ADAMTS15: variants seen among roughly 807,000 people sequenced by gnomAD.
The protein encoded by ADAMTS15 is A disintegrin and metalloproteinase with thrombospondin motifs 15.
In ADAMTS15, 35 loss-of-function variants were observed where a neutral mutation model predicts 79.1. That is an observed-to-expected ratio of 0.44 (90% confidence interval 0.34 to 0.59). The LOEUF is 0.59. Ranked by LOEUF, ADAMTS15 falls within the 20% of genes least tolerant of loss-of-function variation. The pLI is 0.02. For synonymous variants in ADAMTS15, 616 were observed against 567.3 expected (o/e 1.09, Z -1.22); for missense variants, 1,324 against 1,318.7 (o/e 1.00, Z -0.06).
At chr11:130,453,302 T>G (rs981697855) in intron 1 of ADAMTS15, among the ~76,000 whole-genome samples, 2 of 151,794 alleles carry the variant, frequency 1.3e-5, no homozygotes, top group African/African-American at 4.8e-5. Context: ...TTTTAGGACT[T>G]GTAGTTTATG....
chr11:130,469,532 C>A, intron 5 of ADAMTS15, 93 bp downstream of exon 5: 1 of 1,006,204 alleles, frequency 9.9e-7, no homozygotes, highest in Non-Finnish European at 1.3e-6. Flanking sequence ...TGCATGGCCT[C>A]CAGGTAATTG....
chr11:130,459,025 G>GTTTTTT (rs757221690), intron 1 of ADAMTS15, among the ~76,000 whole-genome samples: 4 of 75,408 alleles, frequency 5.3e-5, no homozygotes, highest in Admixed American at 1.4e-4. Flanking sequence ...CCTCCCAAGT[G>GTTTTTT]TTTTTTTTTT....
At chr11:130,468,794 G>A (rs1429664479) in intron 4 of ADAMTS15, among the ~76,000 whole-genome samples, 3 of 149,114 alleles carry the variant, frequency 2.0e-5, no homozygotes, top group Admixed American at 6.7e-5. Flanking sequence ...ATAATTAGCC[G>A]GGCATGGTAG....
Position 130,449,832 on chromosome 11 carries a change from C to G in ADAMTS15, c.859C>G (p.Leu287Val). 7 of 1,609,352 alleles carry G rather than the reference C, an allele frequency of 4.3e-6. 1 individual carries two copies. The highest frequency in any genetic ancestry group is 5.9e-6 in the Non-Finnish European group (7 of 1,180,016). The change falls in exon 1 of 8, where the codon CTG becomes GTG. Residue 287 changes from leucine to valine, a missense_variant. Transcript: ENST00000299164. This position sits in a 1 kb window ranked among gnomAD's most constrained non-coding sequence, Gnocchi z 7.8. ...GCCCAAGGTCACCGGCAATGCGGCC[C>G]TGACGCTGCGCAACTTCTGTGCCTG... ...SGPKVTGNAA[L>V]TLRNFCAWQK...
At chr11:130,450,261 G>C (rs567225455) in intron 1 of ADAMTS15, 1 of 985,486 alleles carries the variant, frequency 1.0e-6, no homozygotes, top group East Asian at 1.1e-4. Context: ...GTCCAAGACC[G>C]ATAGGAGACG....
chr11:130,463,004 G>C (rs889934094), intron 4 of ADAMTS15, among the ~76,000 whole-genome samples: 1 of 152,238 alleles, frequency 6.6e-6, no homozygotes, highest in Admixed American at 6.5e-5. Context: ...CAGAGGACTT[G>C]GTGAGGCCTC....
At chr11:130,466,777 C>G (rs551473563) in intron 4 of ADAMTS15, among the ~76,000 whole-genome samples, 10 of 152,320 alleles carry the variant, frequency 6.6e-5, no homozygotes, top group Non-Finnish European at 1.2e-4. Context: ...TTTCTCGCTG[C>G]CTTGTTGGCC....
Position 130,472,972 on chromosome 11 carries a change from G to C in ADAMTS15, c.2079-75G>C. 1 of 1,555,266 alleles carries C rather than the reference G, an allele frequency of 6.4e-7. No individual in the cohort carries two copies. The highest frequency in any genetic ancestry group is 1.2e-5 in the South Asian group (1 of 81,330). ...TTCACCGAAAGCTAGGTTTACTGAG[G>C]AAAACAGATCCTGGAGCATAAGGTC... On this transcript the variant is annotated intron_variant, in intron 7 of 7. Coordinates refer to ENST00000299164, the MANE Select transcript of ADAMTS15 (RefSeq NM_139055.4). This position sits in a 1 kb window ranked among gnomAD's most constrained non-coding sequence, Gnocchi z 4.7.
Position 130,462,475 on chromosome 11 carries a change from G to T in ADAMTS15, c.1259-22G>T. 1 of 1,562,390 alleles carries T rather than the reference G, an allele frequency of 6.4e-7. No individual in the cohort carries two copies. Among genetic ancestry groups the T allele is most frequent in the Non-Finnish European group, 8.7e-7 (1 of 1,149,434 alleles). On this transcript the variant is annotated intron_variant, in intron 3 of 7. Transcript: ENST00000299164. The surrounding 1 kb of genome is among the most constrained non-coding windows in gnomAD (Gnocchi z 4.3). ...CCTCATCTTCCCAGCTCATCCTAAC[G>T]AACGCCCTCGGCTCTCTGCAGGTGA...
In ADAMTS15 at chr11:130,473,668, CG is replaced by C; in HGVS notation, c.2701del (p.Ala901ProfsTer47). On this transcript the variant is annotated frameshift_variant, in exon 8 of 8. Transcript: ENST00000299164. LOFTEE classifies it high-confidence loss of function. Reference protein sequence around the residue: ...GEPCPTWELSAWSPCSKSCGR... With the variant: ...GEPCPTWELSXWSPCSKSCGR... Reference sequence around the variant, plus strand: ...AGCCCTGCCCCACCTGGGAGCTCAGCGCCTGGTCACCCTGCTCCAAGAGCTG... The same window carrying C: ...AGCCCTGCCCCACCTGGGAGCTCAGCCCTGGTCACCCTGCTCCAAGAGCTG... 1 of 1,605,366 alleles carries C rather than the reference CG, an allele frequency of 6.2e-7. No homozygotes were observed. The highest frequency in any genetic ancestry group is 8.5e-7 in the Non-Finnish European group (1 of 1,179,886).
intron 5 of ADAMTS15, among the ~76,000 whole-genome samples, chr11:130,469,897 G>A (rs1938385959): frequency 6.6e-6 from 1 of 151,310 alleles, no homozygotes; most frequent in African/African-American, 2.4e-5. Flanking sequence ...TTTCTTTCAG[G>A]GAGAAATTAG....
chr11:130,460,913 A>G (rs1938185828), intron 1 of ADAMTS15, among the ~76,000 whole-genome samples: 2 of 152,088 alleles, frequency 1.3e-5, no homozygotes, highest in Admixed American at 6.5e-5. Flanking sequence ...AGCCAATGAA[A>G]CTGTGCCGGG....
intron 1 of ADAMTS15, among the ~76,000 whole-genome samples, chr11:130,452,467 T>C (rs1022587198): frequency 2.0e-5 from 3 of 152,180 alleles, no homozygotes; most frequent in African/African-American, 7.2e-5. Context: ...TCTTGTTGCA[T>C]TGGGCGGCAG....
Position 130,462,243 on chromosome 11 carries a change from A to C in ADAMTS15, c.1247A>C (p.Asp416Ala). 6.2e-7 allele frequency: 1 copy of C among 1,613,358 alleles called. No homozygotes were observed. Among genetic ancestry groups the C allele is most frequent in the Non-Finnish European group, 8.5e-7 (1 of 1,179,506 alleles). Reference sequence around the variant, plus strand: ...GCTGCCATCATCACCGACTTCCTGGACAGCGGGCACGGTAAGCCAGGACGG... The same window carrying C: ...GCTGCCATCATCACCGACTTCCTGGCCAGCGGGCACGGTAAGCCAGGACGG... The part of the protein sequence containing the change: ...CSAAIITDFL[D>A]SGHGDCLLDQ... The change falls in exon 3 of 8, where the codon GAC becomes GCC. Residue 416 changes from aspartate (D) to alanine (A), a missense_variant. Physicochemically the swap from Asp to Ala is moderately radical, Grantham distance 126. Transcript: ENST00000299164. This position sits in a 1 kb window ranked among gnomAD's most constrained non-coding sequence, Gnocchi z 4.3.
Position 130,475,974 on chromosome 11 carries a change from A to G in ADAMTS15, c.*2153A>G, listed in dbSNP as rs1938576969. ...AGCTTTTGCCATCAGTCACTTTACA[A>G]ACCATTTCAAGGAAGGACAACCTCT... On this transcript the variant is annotated 3_prime_UTR_variant, in exon 8 of 8. Transcript: ENST00000299164. 1 of 152,130 alleles carries G rather than the reference A, an allele frequency of 6.6e-6. No individual in the cohort carries two copies. The highest frequency in any genetic ancestry group is 1.5e-5 in the Non-Finnish European group (1 of 68,042). 9.4% of individuals were successfully genotyped at this position (152,130 alleles called of 1,614,324 possible).
At chr11:130,471,552 T>C (rs1292355588) in intron 7 of ADAMTS15, among the ~76,000 whole-genome samples, 169 bp downstream of exon 7, 2 of 152,108 alleles carry the variant, frequency 1.3e-5, no homozygotes, top group Non-Finnish European at 2.9e-5. Context: ...CACTCACTCA[T>C]TCATTCACTC....
chr11:130,453,860 C>T (rs1257180308), intron 1 of ADAMTS15, among the ~76,000 whole-genome samples: 1 of 152,076 alleles, frequency 6.6e-6, no homozygotes, highest in African/African-American at 2.4e-5. Flanking sequence ...CTTTGAGTTG[C>T]GAATTTATTG....
At position 130,461,587 on chromosome 11, in the gene ADAMTS15, G is replaced by A. The variant is rs1195565264; in HGVS notation, c.1056G>A (p.Gly352=). The change falls in exon 2 of 8, where the codon GGG becomes GGA. Residue 352 remains glycine (G), a synonymous_variant. Transcript: ENST00000299164. ...GCTGCTCTGTCATTGAGGACGATGG[G>A]CTTCCATCAGCCTTCACCACTGCCC... ...KRSCSVIEDD[G]LPSAFTTAHE... 6.2e-7 allele frequency: 1 copy of A among 1,614,144 alleles called. No homozygotes were observed. Among genetic ancestry groups the A allele is most frequent in the East Asian group, 2.2e-5 (1 of 44,872 alleles).
chr11:130,471,827 A>G (rs1397432463), intron 7 of ADAMTS15, among the ~76,000 whole-genome samples: 2 of 152,246 alleles, frequency 1.3e-5, no homozygotes, highest in African/African-American at 4.8e-5. Flanking sequence ...GTGGGGAATA[A>G]GGGAGTTAGT....
Sources: gnomAD v4.1 joint callset for allele counts (sites outside exome capture counted in the v4.1 genomes callset) on GRCh38, gnomAD v4.1.1 for gene constraint, Gnocchi (gnomAD v3.1) non-coding constraint, MANE v1.5 for transcripts, NCBI Gene and HGNC (gene_info 2026-07-23, HGNC 2026-07-21) for gene names.